Variants in CLMN observed in about 807,000 individuals in gnomAD.
The protein encoded by CLMN is calmin.
In CLMN, 57 loss-of-function variants were observed where a neutral mutation model predicts 92.7. That is an observed-to-expected ratio of 0.61 (90% CI 0.50 to 0.77). The LOEUF is 0.77. Among genes scored for constraint, CLMN ranks in the 30% least tolerant of loss-of-function variants. The probability of loss-of-function intolerance (pLI) is 0.00; values close to 1 mark genes in which losing one functional copy is unlikely to be tolerated. For synonymous variants in CLMN, 466 were observed against 470.6 expected, an observed-to-expected ratio of 0.99 and a Z score of 0.13; for missense variants, 1,158 against 1,237.5, an observed-to-expected ratio of 0.94 and a Z score of 0.96.
intron 1 of CLMN, among the ~76,000 whole-genome samples, chr14:95,244,154 A>G (rs1353558700): frequency 6.6e-6 from 1 of 152,170 alleles, no homozygotes; most frequent in African/African-American, 2.4e-5. Context: ...CCATGAGCCA[A>G]TTAAACCTCT....
At chr14:95,263,421 T>C (rs1358422926) in intron 1 of CLMN, among the ~76,000 whole-genome samples, 1 of 152,068 alleles carries the variant, frequency 6.6e-6, no homozygotes, top group Non-Finnish European at 1.5e-5. Flanking sequence ...GAGATCTGGG[T>C]GGGGACACAG....
At chr14:95,289,090 C>G (rs1208373775) in intron 1 of CLMN, among the ~76,000 whole-genome samples, 1 of 152,200 alleles carries the variant, frequency 6.6e-6, no homozygotes, top group African/African-American at 2.4e-5. Context: ...CCAGATGTGG[C>G]CTCTGCCTGC....
At chr14:95,254,891 C>T (rs938913695) in intron 1 of CLMN, among the ~76,000 whole-genome samples, 5 of 152,104 alleles carry the variant, frequency 3.3e-5, no homozygotes, top group Non-Finnish European at 7.4e-5. Flanking sequence ...GACAGGGTCT[C>T]GCTATGTTGA....
At chr14:95,279,972 G>GTTT (rs76975914) in intron 1 of CLMN, among the ~76,000 whole-genome samples, 12 of 145,434 alleles carry the variant, frequency 8.3e-5, no homozygotes, top group African/African-American at 2.8e-4. Flanking sequence ...ATATGTTGTT[G>GTTT]TTTTTTTTTT....
At chr14:95,286,900 A>G (rs1900365489) in intron 1 of CLMN, among the ~76,000 whole-genome samples, 2 of 152,212 alleles carry the variant, frequency 1.3e-5, no homozygotes, top group Admixed American at 1.3e-4. Flanking sequence ...GAAAGTTTGC[A>G]TGCAACTTTG....
At position 95,188,103 on chromosome 14, in the gene CLMN, G is replaced by C. The variant is rs1421019547; in HGVS notation, c.*3461C>G. The C allele has an allele frequency of 6.6e-6, 1 of 152,132 alleles. No individual in the cohort carries two copies. Among genetic ancestry groups the C allele is most frequent in the African/African-American group, 2.4e-5 (1 of 41,408 alleles). The allele number at this position is 152,132 out of a possible 1,614,324, so 9.4% of individuals were successfully genotyped here. A position where few individuals can be genotyped will look rare whatever the true frequency, so the allele number is the denominator to read the frequency against. ...CAGTGTTCTCCAATGATGAGTCCAG[G>C]TGCCCACCTGGTGACCCTAGTGGAA... is the stretch of plus-strand genomic sequence containing the variant. On this transcript the variant is annotated 3_prime_UTR_variant, in exon 13 of 13. Coordinates refer to ENST00000298912, the MANE Select transcript of CLMN (RefSeq NM_024734.4).
chr14:95,259,386 G>A lies in CLMN; in HGVS notation c.83-29253C>T, dbSNP rs762433787. 3.9e-5 allele frequency among the ~76,000 whole-genome samples: 6 copies of A among 152,120 alleles called. No individual in the cohort carries two copies. Among genetic ancestry groups the A allele is most frequent in the Non-Finnish European group, 7.4e-5 (5 of 68,008 alleles). The stretch of plus-strand genomic sequence containing the variant: ...TCACCAGGCCTGACCTTGGGCACCA[G>A]AACGGAGAAGGAAATGTGCGTGGAC... On this transcript the variant is annotated intron_variant, in intron 1 of 12. Transcript: ENST00000298912. The surrounding 1 kb of genome is among the most constrained non-coding windows in gnomAD (Gnocchi z 4.3).
intron 1 of CLMN, among the ~76,000 whole-genome samples, chr14:95,239,052 G>C (rs1733701815): frequency 1.3e-5 from 2 of 151,954 alleles, no homozygotes; most frequent in Admixed American, 1.3e-4. Flanking sequence ...AGCCCACCTT[G>C]ATTTATGACA....
intron 1 of CLMN, among the ~76,000 whole-genome samples, chr14:95,241,782 AG>A (rs1416706926): frequency 6.6e-6 from 1 of 152,172 alleles, no homozygotes; most frequent in East Asian, 1.9e-4. Context: ...AACAAACAAA[AG>A]TTATCTATAT....
chr14:95,245,094 C>A (rs1898411285), intron 1 of CLMN, among the ~76,000 whole-genome samples: 1 of 112,504 alleles, frequency 8.9e-6, no homozygotes, highest in Non-Finnish European at 1.8e-5. Flanking sequence ...CACATTCTCA[C>A]TCATTTGCTA....
chr14:95,239,072 A>C (rs1378995824), intron 1 of CLMN, among the ~76,000 whole-genome samples: 1 of 146,858 alleles, frequency 6.8e-6, no homozygotes, highest in Non-Finnish European at 1.5e-5. Context: ...AGGTGACGCC[A>C]GCCAGCCATT....
At chr14:95,250,614 T>C (rs187209252) in intron 1 of CLMN, among the ~76,000 whole-genome samples, 18 of 152,338 alleles carry the variant, frequency 1.2e-4, no homozygotes, top group African/African-American at 4.3e-4. Flanking sequence ...GCAGTGTTCA[T>C]AAATATTGGC....
In CLMN at chr14:95,194,730, G is replaced by A; in HGVS notation, c.2709-134C>T. ...CAACTTCACAGCCAGGGACAGAAAT[G>A]ACAGATTTTATATCTAACATGCCTA... is the stretch of plus-strand genomic sequence containing the variant. On this transcript the variant is annotated intron_variant, in intron 10 of 12. Coordinates refer to ENST00000298912, the MANE Select transcript of CLMN (RefSeq NM_024734.4). The surrounding 1 kb of genome is among the most constrained non-coding windows in gnomAD (Gnocchi z 4.0). The A allele has an allele frequency of 1.3e-6, 1 of 763,910 alleles. No homozygotes were observed. The allele number at this position is 763,910 out of a possible 1,614,324, so 47.3% of individuals were successfully genotyped here.
chr14:95,208,160 T>A (rs1285473926), intron 8 of CLMN, among the ~76,000 whole-genome samples: 1 of 152,116 alleles, frequency 6.6e-6, no homozygotes, highest in African/African-American at 2.4e-5. Flanking sequence ...GTCTGGTACT[T>A]ATAACTACCC....
chr14:95,306,738 GCT>G, intron 1 of CLMN, among the ~76,000 whole-genome samples: 1 of 152,194 alleles, frequency 6.6e-6, no homozygotes, highest in Non-Finnish European at 1.5e-5. Context: ...ACACAGCTAA[GCT>G]CTGAAGAGCA....
chr14:95,215,305 G>T (rs1232958445), intron 5 of CLMN, among the ~76,000 whole-genome samples: 1 of 152,144 alleles, frequency 6.6e-6, no homozygotes, highest in Non-Finnish European at 1.5e-5. Context: ...AGTGATTTCA[G>T]GAAAGTAACT....
chr14:95,292,462 CCTG>C (rs1900614275), intron 1 of CLMN, among the ~76,000 whole-genome samples: 1 of 147,222 alleles, frequency 6.8e-6, no homozygotes, highest in Non-Finnish European at 1.5e-5. Flanking sequence ...ACCTCCACCC[CCTG>C]CATCTTGGGT....
chr14:95,194,009 C>T lies in CLMN; in HGVS notation c.2770-90G>A. 1 of 1,556,124 alleles carries T rather than the reference C, an allele frequency of 6.4e-7. No individual in the cohort carries two copies. The highest frequency in any genetic ancestry group is 1.2e-5 in the South Asian group (1 of 83,216). ...AGAAGATAAAACGATTTTAAACACA[C>T]AAAGCCGAGCATGCCGGGCATTTCT... On this transcript the variant is annotated intron_variant, in intron 11 of 12. Coordinates refer to ENST00000298912, the MANE Select transcript of CLMN (RefSeq NM_024734.4). The surrounding 1 kb of genome is among the most constrained non-coding windows in gnomAD (Gnocchi z 4.0).
intron 1 of CLMN, among the ~76,000 whole-genome samples, chr14:95,275,663 A>C (rs951573494): frequency 1.3e-5 from 2 of 152,170 alleles, no homozygotes; most frequent in African/African-American, 4.8e-5. Flanking sequence ...CCATTTGTTT[A>C]TTCCTTTACT....
Sources: gnomAD v4.1 joint callset for allele counts (sites outside exome capture counted in the v4.1 genomes callset) on GRCh38, gnomAD v4.1.1 for gene constraint, Gnocchi (gnomAD v3.1) non-coding constraint, MANE v1.5 for transcripts, NCBI Gene and HGNC (gene_info 2026-07-23, HGNC 2026-07-21) for gene names.